Variants in USP36 observed in about 807,000 individuals in gnomAD.
USP36 encodes the protein ubiquitin carboxyl-terminal hydrolase 36.
In USP36, 59 loss-of-function variants were observed where a neutral mutation model predicts 111.5. The ratio of observed to expected loss-of-function variants is 0.53; its 90% CI spans 0.43 to 0.66. The LOEUF is 0.66. Ranked by LOEUF, USP36 falls within the 30% of genes least tolerant of loss-of-function variation. USP36 has a pLI of 0.00. For missense variants in USP36, 1,488 were observed against 1,468.0 expected, an observed-to-expected ratio of 1.01 and a Z score of -0.22; for synonymous variants, 628 against 581.0, an observed-to-expected ratio of 1.08 and a Z score of -1.16.
rs935943523 is a variant in USP36 at position 78,803,637 on chromosome 17, T to C, written c.2558A>G (p.Glu853Gly). ...KRKRKKKKRP[E>G]DTAASALQEG... ...CTGCAGGGCGCTGGCAGCTGTGTCC[T>C]CCGGGCGCTTCTTCTTCTTCCTCTT... The change falls in exon 16 of 21, where the codon GAG (glutamate) becomes GGG (glycine). Residue 853 changes from glutamate to glycine, a missense_variant. Physicochemically the swap from Glu to Gly is moderately conservative, Grantham distance 98. This residue lies in a region of USP36 where 1,073 missense variants were observed against 994.1 expected (regional missense o/e 1.08). Transcript: ENST00000449938. The surrounding 1 kb of genome is among the most constrained non-coding windows in gnomAD (Gnocchi z 4.6). 4 of 1,610,500 alleles carry C rather than the reference T, an allele frequency of 2.5e-6. No individual in the cohort carries two copies. In the African/African-American group the frequency reaches 4.0e-5, roughly 16 times the overall value.
chr17:78,832,977 C>T (rs141222382), intron 4 of USP36, among the ~76,000 whole-genome samples: 70 of 152,154 alleles, frequency 4.6e-4, no homozygotes, highest in African/African-American at 1.5e-3. Context: ...GGTGAAACTT[C>T]GTCTCTACTA....
intron 2 of USP36, among the ~76,000 whole-genome samples, chr17:78,838,029 G>A (rs2068841200): frequency 1.3e-5 from 2 of 152,168 alleles, no homozygotes; most frequent in Non-Finnish European, 2.9e-5. Context: ...AGGCTGCAGT[G>A]AGCTATGATT....
intron 15 of USP36, 116 bp from the exon 16 acceptor site, chr17:78,804,094 C>G: frequency 2.8e-6 from 2 of 706,972 alleles, no homozygotes; most frequent in East Asian, 5.5e-5. Flanking sequence ...AGGCTTTTAC[C>G]CTGTAGTTTT....
chr17:78,791,074 T>C (rs1420512309), downstream of USP36, among the ~76,000 whole-genome samples: 1 of 151,926 alleles, frequency 6.6e-6, no homozygotes, highest in East Asian at 1.9e-4. Context: ...AAATTCATGA[T>C]GCTAACTCAT....
At position 78,799,173 on chromosome 17, in the gene USP36, A is replaced by C. The variant is rs2093681432; in HGVS notation, c.3125-150T>G. On this transcript the variant is annotated intron_variant, in intron 18 of 20. Transcript: ENST00000449938. The stretch of plus-strand genomic sequence containing the variant: ...TGGTGAAGAGAAGGACAAGAGGAGG[A>C]CGGCTCGACGCCCATGTGTGGTCGG... 3 of 764,356 alleles carry C rather than the reference A, an allele frequency of 3.9e-6. No homozygotes were observed. The East Asian group carries it at 7.8e-5, about 20-fold the overall frequency. 47.3% of individuals were successfully genotyped at this position (764,356 alleles called of 1,614,324 possible).
intron 13 of USP36, among the ~76,000 whole-genome samples, chr17:78,809,641 G>A (rs1292214252): frequency 1.3e-5 from 2 of 152,056 alleles, no homozygotes; most frequent in East Asian, 3.9e-4. Context: ...TGTTTTTCTG[G>A]GGTTTTTTGA....
In USP36 at chr17:78,825,997, C is replaced by T. The variant is rs2067504428; in HGVS notation, c.689+1248G>A. On this transcript the variant is annotated intron_variant, in intron 6 of 20. Transcript: ENST00000449938. ...CCAATTACACCATGAGCTCCACAGA[C>T]TCCAGGACCATGGCTTCTACCTCTC... 2.0e-5 allele frequency among the ~76,000 whole-genome samples: 3 copies of T among 152,194 alleles called. No homozygotes were observed. In the South Asian group the frequency reaches 6.2e-4, roughly 31 times the overall value.
Position 78,827,451 on chromosome 17 carries a change from A to G in USP36, c.587-104T>C, listed in dbSNP as rs952324020. ...TTCCTGGCTGTTATAAGGGGAAAAT[A>G]CTGCAACTTTTCAAAGGAACAAGTG... On this transcript the variant is annotated intron_variant, in intron 5 of 20. Transcript: ENST00000449938. 6.6e-6 allele frequency: 7 copies of G among 1,066,898 alleles called. No individual in the cohort carries two copies. The African/African-American group carries it at 1.1e-4, about 17-fold the overall frequency. 66.1% of individuals were successfully genotyped at this position (1,066,898 alleles called of 1,614,324 possible).
At position 78,826,726 on chromosome 17, in the gene USP36, C is replaced by T. The variant is rs141690071; in HGVS notation, c.689+519G>A. The T allele has an allele frequency of 2.2e-3, 504 of 228,064 alleles. 5 individuals carry two copies. The highest frequency in any genetic ancestry group is 9.9e-3 in the African/African-American group (444 of 44,854). The allele number at this position is 228,064 out of a possible 1,614,324, so 14.1% of individuals were successfully genotyped here. ...GGCAACCATCACATATAAGGGCTTACGTGGCGTGTGAATAAGAAACAGCAG... is the reference window on the plus strand; with the variant it reads ...GGCAACCATCACATATAAGGGCTTATGTGGCGTGTGAATAAGAAACAGCAG... On this transcript the variant is annotated intron_variant, in intron 6 of 20. Coordinates refer to ENST00000449938, the MANE Select transcript of USP36 (RefSeq NM_001385174.1).
chr17:78,839,682 G>A (rs2069059250), intron 1 of USP36, among the ~76,000 whole-genome samples: 1 of 152,118 alleles, frequency 6.6e-6, no homozygotes, highest in African/African-American at 2.4e-5. Context: ...TTTTCAAGTG[G>A]GACAGGTCAA....
At chr17:78,812,713 AAAAAAG>A in intron 13 of USP36, 141 bp downstream of exon 13, 1 of 872,446 alleles carries the variant, frequency 1.1e-6, no homozygotes, top group African/African-American at 1.7e-5. Flanking sequence ...AAAAAAAAAA[AAAAAAG>A]AAAAGAAAAG....
chr17:78,814,761 C>A (rs1430584686), intron 10 of USP36, among the ~76,000 whole-genome samples: 1 of 150,328 alleles, frequency 6.7e-6, no homozygotes. Context: ...TCAGCCTGAC[C>A]AATATAGCGA....
At chr17:78,829,719 C>T (rs1039002169) in intron 4 of USP36, among the ~76,000 whole-genome samples, 3 of 152,166 alleles carry the variant, frequency 2.0e-5, no homozygotes, top group South Asian at 2.1e-4. Context: ...CTACATAAAA[C>T]GCCTCACTAG....
rs762291829 is a variant in USP36, at chr17:78,798,955, T to G, written c.3193A>C (p.Thr1065Pro). The G allele has an allele frequency of 1.5e-5, 24 of 1,614,034 alleles. No individual in the cohort carries two copies. The highest frequency in any genetic ancestry group is 2.0e-5 in the Non-Finnish European group (24 of 1,180,048). Residue 1065 changes from threonine to proline, a missense_variant, in exon 19 of 21, where the codon ACT becomes CCT. Transcript: ENST00000449938. The surrounding 1 kb of genome is among the most constrained non-coding windows in gnomAD (Gnocchi z 5.1). ...DAIEDSRQAR[T>P]ETVVDDWDEE... is the part of the protein sequence containing the mutation. ...TCCCAGTCATCAACCACGGTCTCAG[T>G]CCGGGCCTGTCTGCTGTCTTCAATA...
At position 78,806,059 on chromosome 17, in the gene USP36, T is replaced by C. The variant is rs79204268; in HGVS notation, c.2216+97A>G. On this transcript the variant is annotated intron_variant, in intron 15 of 20. Coordinates refer to ENST00000449938, the MANE Select transcript of USP36 (RefSeq NM_001385174.1). ...GGCTGCCCCAATGCTTTGTCTGTCCTGTGAGGTTGGCGATTCGTCCAACTC... is the reference window on the plus strand; with the variant it reads ...GGCTGCCCCAATGCTTTGTCTGTCCCGTGAGGTTGGCGATTCGTCCAACTC... 19,828 of 1,593,808 alleles carry C rather than the reference T, an allele frequency of 0.012. 1,821 individuals are homozygous for C. The African/African-American group carries it at 0.22, about 17-fold the overall frequency.
chr17:78,817,394 C>T (rs1316430696), intron 10 of USP36, among the ~76,000 whole-genome samples: 2 of 152,180 alleles, frequency 1.3e-5, no homozygotes, highest in African/African-American at 4.8e-5. Context: ...GAAACGGAGG[C>T]TCAGCCAAGG....
chr17:78,835,894 G>T, intron 3 of USP36: 1 of 686,968 alleles, frequency 1.5e-6, no homozygotes, highest in South Asian at 2.0e-5. Context: ...CAAGTCCAAG[G>T]ACCCACCAAG....
At chr17:78,826,333 G>C (rs887733272) in intron 6 of USP36, 1 of 152,198 alleles carries the variant, frequency 6.6e-6, no homozygotes, top group African/African-American at 2.4e-5. Context: ...TTGGAGACCA[G>C]CCTGGCCAAC....
intron 10 of USP36, 121 bp from the exon 11 acceptor site, chr17:78,814,673 C>G: frequency 1.6e-6 from 2 of 1,272,854 alleles, no homozygotes; most frequent in South Asian, 2.9e-5. Flanking sequence ...AATTTGGGGG[C>G]CGGGCACAGT....
Sources: allele counts gnomAD v4.1 joint callset (sites outside exome capture counted in the v4.1 genomes callset), GRCh38; gene constraint gnomAD v4.1.1; regional missense constraint gnomAD v4.1.1; non-coding constraint Gnocchi (gnomAD v3.1); transcripts MANE v1.5; gene names NCBI Gene and HGNC (gene_info 2026-07-23, HGNC 2026-07-21).